Variants in GOLGA4 observed in about 807,000 individuals in gnomAD.
GOLGA4 encodes golgin A4, also known as golgin subfamily A member 4.
Under a neutral mutation model 265.9 loss-of-function variants are expected in GOLGA4, and 169 were observed. That is an observed-to-expected ratio of 0.64 (90% CI 0.56 to 0.72). The LOEUF (loss-of-function observed/expected upper bound fraction) is 0.72. Among genes scored for constraint, GOLGA4 ranks in the 30% least tolerant of loss-of-function variants. The pLI is 0.00. For synonymous variants in GOLGA4, 923 were observed against 855.8 expected (o/e 1.08, Z -1.37); for missense variants, 2,482 against 2,483.4 (o/e 1.00, Z 0.01).
chr3:37,298,779 AGGCAGTTTCAT>A, intron 7 of GOLGA4, 43 bp from the exon 8 acceptor site: 1 of 1,226,158 alleles, frequency 8.2e-7, no homozygotes, highest in South Asian at 1.5e-5. Context: ...AATTTTCCAA[AGGCAGTTTCAT>A]ATTCCTTACT....
At chr3:37,341,232 T>C (rs1299194555) in intron 20 of GOLGA4, among the ~76,000 whole-genome samples, 1 of 152,212 alleles carries the variant, frequency 6.6e-6, no homozygotes, top group Non-Finnish European at 1.5e-5. Flanking sequence ...GCTTGAGTCT[T>C]TATGTGGTAA....
Position 37,298,899 on chromosome 3 carries a change from T to C in GOLGA4, c.881T>C (p.Leu294Pro), listed in dbSNP as rs2096885482. 1 of 1,613,470 alleles carries C rather than the reference T, an allele frequency of 6.2e-7. No individual in the cohort carries two copies. Among genetic ancestry groups the C allele is most frequent in the Admixed American group, 1.7e-5 (1 of 59,968 alleles). Residue 294 changes from leucine (L) to proline (P), a missense_variant, in exon 8 of 24, where the codon CTA becomes CCA. Around this residue, in one of 3 missense-constraint regions of GOLGA4, gnomAD observed 1,536 missense variants for 1,483.7 expected, o/e 1.04. Transcript: ENST00000361924. ...CAAAGAGTGAAGCGTCAAGAGAACCTACTTAAGCGTTGTAAGGAAACAATT... is the reference window on the plus strand; with the variant it reads ...CAAAGAGTGAAGCGTCAAGAGAACCCACTTAAGCGTTGTAAGGAAACAATT... ...LQQRVKRQEN[L>P]LKRCKETIQS...
intron 2 of GOLGA4, chr3:37,266,768 A>G (rs2096784882): frequency 7.8e-6 from 5 of 639,818 alleles, no homozygotes; most frequent in Non-Finnish European, 9.9e-6. Context: ...AACACTTTGC[A>G]ACATGCCATT....
intron 23 of GOLGA4, 82 bp from the exon 24 acceptor site, chr3:37,365,998 A>G (rs17266090): frequency 0.41 from 491,984 of 1,195,458 alleles, 105,953 homozygotes; most frequent in African/African-American, 0.47. Flanking sequence ...ACTTGAAAAA[A>G]CAAATATCCC....
chr3:37,276,485 A>T, intron 2 of GOLGA4: 1 of 1,610,278 alleles, frequency 6.2e-7, no homozygotes, highest in Non-Finnish European at 8.5e-7. Context: ...CACATGTGGC[A>T]AATGTAAAAA....
intron 5 of GOLGA4, among the ~76,000 whole-genome samples, chr3:37,291,144 A>ACATTAGAGG (rs2096863578): frequency 6.6e-6 from 1 of 152,206 alleles, no homozygotes. Flanking sequence ...GAGGTTAGGC[A>ACATTAGAGG]TCAGGTTTTA....
Position 37,325,009 on chromosome 3 carries a change from T to G in GOLGA4, c.3123T>G (p.Asn1041Lys), listed in dbSNP as rs765919865. The G allele has an allele frequency of 3.1e-6, 5 of 1,613,190 alleles. No individual in the cohort carries two copies. Among genetic ancestry groups the G allele is most frequent in the African/African-American group, 2.7e-5 (2 of 74,986 alleles). ...SLTEVHRREL[N>K]DVISIWEKKL... ...CTGAGGTTCATCGACGAGAACTCAA[T>G]GATGTCATATCAATCTGGGAAAAGA... Residue 1041 changes from asparagine to lysine, a missense_variant, in exon 14 of 24, where the codon AAT becomes AAG. By Grantham distance (94) the Asn-to-Lys change is moderately conservative. Around this residue, in one of 3 missense-constraint regions of GOLGA4, gnomAD observed 1,536 missense variants for 1,483.7 expected, o/e 1.04. Coordinates refer to ENST00000361924, the MANE Select transcript of GOLGA4 (RefSeq NM_002078.5).
intron 5 of GOLGA4, among the ~76,000 whole-genome samples, chr3:37,289,946 G>T (rs886519630): frequency 6.6e-6 from 1 of 152,090 alleles, no homozygotes; most frequent in Non-Finnish European, 1.5e-5. Flanking sequence ...AGAATATCTT[G>T]TTACCTATTT....
At position 37,276,562 on chromosome 3, in the gene GOLGA4, C is replaced by T; in HGVS notation, c.163-5396C>T. 3.8e-6 allele frequency: 6 copies of T among 1,595,594 alleles called. No individual in the cohort carries two copies. The South Asian group carries it at 5.5e-5, about 15-fold the overall frequency. ...ATGAACCAGTGACAACATTTGTTGTCTGTAATGAATGTGGAAATCGATGGA... is the reference window on the plus strand; with the variant it reads ...ATGAACCAGTGACAACATTTGTTGTTTGTAATGAATGTGGAAATCGATGGA... On this transcript the variant is annotated intron_variant, in intron 2 of 23. Coordinates refer to ENST00000361924, the MANE Select transcript of GOLGA4 (RefSeq NM_002078.5).
chr3:37,258,069 GTATA>G (rs201905438), intron 2 of GOLGA4, among the ~76,000 whole-genome samples: 25 of 48,112 alleles, frequency 5.2e-4, no homozygotes, highest in African/African-American at 1.6e-3. Flanking sequence ...ATGTATATAT[GTATA>G]TATATATGTG....
rs1252542256 is a variant in GOLGA4 at position 37,366,548 on chromosome 3, A to G, written c.*502A>G. On this transcript the variant is annotated 3_prime_UTR_variant, in exon 24 of 24. Transcript: ENST00000361924. ...ATCTGTTGAATATTTGCTAAAGACC[A>G]GTTCTTTAAGCTAAGACATGTAAAA... 2 of 155,148 alleles carry G rather than the reference A, an allele frequency of 1.3e-5. No individual in the cohort carries two copies. The highest frequency in any genetic ancestry group is 1.9e-4 in the East Asian group (1 of 5,276). The allele number at this position is 155,148 out of a possible 1,614,324, so 9.6% of individuals were successfully genotyped here. A position where few individuals can be genotyped will look rare whatever the true frequency, so the allele number is the denominator to read the frequency against.
At chr3:37,323,175 G>T (rs1478157104) in intron 13 of GOLGA4, among the ~76,000 whole-genome samples, 1 of 141,652 alleles carries the variant, frequency 7.1e-6, no homozygotes, top group East Asian at 2.0e-4. Context: ...TGCCCAGGCT[G>T]GAGTGTAGTG....
intron 3 of GOLGA4, among the ~76,000 whole-genome samples, chr3:37,283,673 A>C (rs2096840707): frequency 1.3e-5 from 2 of 151,940 alleles, no homozygotes; most frequent in Admixed American, 6.6e-5. Flanking sequence ...CTACAGGCGC[A>C]CACCACCACA....
chr3:37,349,349 G>A (rs1276248344), intron 21 of GOLGA4, among the ~76,000 whole-genome samples: 1 of 152,132 alleles, frequency 6.6e-6, no homozygotes, highest in Non-Finnish European at 1.5e-5. Context: ...ATATTTACCT[G>A]TGAGAAGATC....
chr3:37,296,009 C>A, intron 6 of GOLGA4, 78 bp from the exon 7 acceptor site: 1 of 1,307,150 alleles, frequency 7.7e-7, no homozygotes, highest in Non-Finnish European at 1.1e-6. Flanking sequence ...GAACCAATCC[C>A]CCACAGATAC....
At chr3:37,285,138 C>G (rs958637008) in intron 3 of GOLGA4, among the ~76,000 whole-genome samples, 8 of 150,246 alleles carry the variant, frequency 5.3e-5, no homozygotes, top group African/African-American at 1.7e-4. Context: ...ATGTACTTAG[C>G]CTTCAGATGA....
intron 10 of GOLGA4, among the ~76,000 whole-genome samples, chr3:37,310,721 G>T (rs776115112): frequency 1.8e-4 from 27 of 151,334 alleles, no homozygotes; most frequent in Middle Eastern, 3.5e-3. Context: ...TTTTTAAAGT[G>T]TGTGTGTGTG....
chr3:37,321,663 G>A (rs1301202049), intron 12 of GOLGA4, 68 bp from the exon 13 acceptor site: 1 of 1,360,926 alleles, frequency 7.3e-7, no homozygotes, highest in Non-Finnish European at 1.0e-6. Flanking sequence ...AATGATTCCT[G>A]GGGAAGTACT....
intron 2 of GOLGA4, among the ~76,000 whole-genome samples, chr3:37,258,006 C>T (rs1345767169): frequency 1.2e-4 from 7 of 58,964 alleles, no homozygotes; most frequent in South Asian, 3.7e-4. Flanking sequence ...TGTATATATA[C>T]ATACATATAT....
Sources: gnomAD v4.1 joint callset for allele counts (sites outside exome capture counted in the v4.1 genomes callset) on GRCh38, gnomAD v4.1.1 for gene constraint, gnomAD v4.1.1 regional missense constraint, MANE v1.5 for transcripts, NCBI Gene and HGNC (gene_info 2026-07-23, HGNC 2026-07-21) for gene names.